VSTM4: variants seen among roughly 807,000 people sequenced by gnomAD.
VSTM4 encodes V-set and transmembrane domain-containing protein 4.
VSTM4 carries 20 observed loss-of-function variants against 36.4 expected under a neutral mutation model. The ratio of observed to expected loss-of-function variants is 0.55; its 90% CI spans 0.39 to 0.80. The LOEUF (loss-of-function observed/expected upper bound fraction) is 0.80. VSTM4 is among the 30% of genes least tolerant of loss of function. The pLI is 0.00. For synonymous variants in VSTM4, 182 were observed against 173.9 expected, an observed-to-expected ratio of 1.05 and a Z score of -0.37; for missense variants, 392 against 404.5, an observed-to-expected ratio of 0.97 and a Z score of 0.26.
At chr10:49,036,354 A>AT (rs1161232057) in intron 7 of VSTM4, among the ~76,000 whole-genome samples, 5 of 151,970 alleles carry the variant, frequency 3.3e-5, no homozygotes, top group Non-Finnish European at 7.4e-5. Context: ...CAAAGTTTGT[A>AT]TTTTTTTCCC....
chr10:49,089,251 C>T (rs892578849), intron 2 of VSTM4, among the ~76,000 whole-genome samples: 25 of 152,134 alleles, frequency 1.6e-4, no homozygotes, highest in African/African-American at 5.3e-4. Context: ...CTACTGAGCC[C>T]ATATCCACAC....
chr10:49,098,976 C>T (rs902516512), intron 2 of VSTM4, among the ~76,000 whole-genome samples: 1 of 152,248 alleles, frequency 6.6e-6, no homozygotes, highest in African/African-American at 2.4e-5. Flanking sequence ...TATTTCTTCA[C>T]TGAGCCGAGC....
chr10:49,108,014 G>A lies in VSTM4; in HGVS notation c.56-19C>T. ...CAGACCTCTGCAGAGAAAAAGGGGAGAAGAGAGGATGAGGAGGGCCCCAAG... is the reference window on the plus strand; with the variant it reads ...CAGACCTCTGCAGAGAAAAAGGGGAAAAGAGAGGATGAGGAGGGCCCCAAG... On this transcript the variant is annotated intron_variant, in intron 1 of 7. Coordinates refer to ENST00000332853, the MANE Select transcript of VSTM4 (RefSeq NM_001031746.5). 6.5e-7 allele frequency: 1 copy of A among 1,538,654 alleles called. No individual in the cohort carries two copies. The highest frequency in any genetic ancestry group is 8.8e-7 in the Non-Finnish European group (1 of 1,138,026).
At chr10:49,046,427 A>G (rs1256871498) in intron 7 of VSTM4, among the ~76,000 whole-genome samples, 1 of 152,232 alleles carries the variant, frequency 6.6e-6, no homozygotes, top group Non-Finnish European at 1.5e-5. Context: ...CCAGAAAAGG[A>G]ACATTAGCAG....
chr10:49,047,698 G>A (rs1232388836), intron 6 of VSTM4, among the ~76,000 whole-genome samples: 2 of 152,136 alleles, frequency 1.3e-5, no homozygotes, highest in African/African-American at 2.4e-5. Context: ...TCCCCCTGCA[G>A]TACAACCACA....
intron 2 of VSTM4, among the ~76,000 whole-genome samples, chr10:49,101,111 C>A (rs757402187): frequency 4.6e-5 from 7 of 151,926 alleles, no homozygotes; most frequent in Non-Finnish European, 1.0e-4. Context: ...AAGCTTGGGG[C>A]AGGGAATCCT....
chr10:49,025,631 C>T (rs1362159530), intron 7 of VSTM4, among the ~76,000 whole-genome samples: 5 of 152,214 alleles, frequency 3.3e-5, no homozygotes, highest in African/African-American at 1.2e-4. Context: ...ATGGTGACTG[C>T]CATGCTGACT....
intron 5 of VSTM4, among the ~76,000 whole-genome samples, chr10:49,050,031 A>G (rs937073660): frequency 4.7e-5 from 7 of 147,978 alleles, no homozygotes; most frequent in Non-Finnish European, 9.0e-5. Flanking sequence ...TATAATAGCT[A>G]TGGATTAGAG....
chr10:49,017,992 G>A lies in VSTM4; in HGVS notation c.*1658C>T, dbSNP rs1246033091. 2.0e-5 allele frequency: 3 copies of A among 152,218 alleles called. No individual in the cohort carries two copies. Among genetic ancestry groups the A allele is most frequent in the Non-Finnish European group, 4.4e-5 (3 of 68,040 alleles). 9.4% of individuals were successfully genotyped at this position (152,218 alleles called of 1,614,324 possible). A position where few individuals can be genotyped will look rare whatever the true frequency, so the allele number is the denominator to read the frequency against. The stretch of plus-strand genomic sequence containing the variant: ...TTCAGTGCCTTCGAGATCTGGCAGA[G>A]AGGGAGGAATGAGACACAGGTGTTA... On this transcript the variant is annotated 3_prime_UTR_variant, in exon 8 of 8. Transcript: ENST00000332853.
intron 2 of VSTM4, among the ~76,000 whole-genome samples, chr10:49,088,603 C>G (rs947756926): frequency 1.1e-4 from 16 of 152,250 alleles, no homozygotes; most frequent in Non-Finnish European, 2.2e-4. Flanking sequence ...AGCCTAGAAC[C>G]TGCATAGCAG....
intron 5 of VSTM4, chr10:49,064,037 C>T (rs79464279): frequency 0.18 from 27,851 of 152,194 alleles, 3,368 homozygotes; most frequent in Non-Finnish European, 0.25. Flanking sequence ...GTCTGGGTGA[C>T]CTTCTGCTGT....
At chr10:49,106,437 A>G (rs1844783990) in intron 2 of VSTM4, among the ~76,000 whole-genome samples, 1 of 152,248 alleles carries the variant, frequency 6.6e-6, no homozygotes, top group African/African-American at 2.4e-5. Context: ...CCGAATAGAA[A>G]CATTGGTGAT....
intron 3 of VSTM4, among the ~76,000 whole-genome samples, chr10:49,084,563 T>C (rs1349123469): frequency 6.6e-6 from 1 of 152,210 alleles, no homozygotes; most frequent in Admixed American, 6.5e-5. Flanking sequence ...TGGCCCTCCT[T>C]CTGCCAGATC....
chr10:49,070,013 G>A (rs1335164832), intron 4 of VSTM4, among the ~76,000 whole-genome samples: 1 of 61,978 alleles, frequency 1.6e-5, no homozygotes, highest in Non-Finnish European at 3.0e-5. Flanking sequence ...AGCACTTTGG[G>A]AGGCCGAGGC....
intron 7 of VSTM4, among the ~76,000 whole-genome samples, chr10:49,040,713 C>T (rs975294039): frequency 3.9e-5 from 6 of 152,200 alleles, no homozygotes; most frequent in Admixed American, 6.5e-5. Flanking sequence ...CACTTGTTAA[C>T]GGCTTGGGGA....
intron 5 of VSTM4, among the ~76,000 whole-genome samples, chr10:49,051,926 C>T (rs1843704735): frequency 1.4e-5 from 2 of 143,788 alleles, no homozygotes; most frequent in African/African-American, 2.5e-5. Context: ...ATTTTGTATT[C>T]TTAATTTACT....
Position 49,019,565 on chromosome 10 carries a change from AT to A in VSTM4, c.*84del. The A allele has an allele frequency of 6.8e-7, 1 of 1,475,834 alleles. No homozygotes were observed. Among genetic ancestry groups the A allele is most frequent in the Non-Finnish European group, 9.0e-7 (1 of 1,110,402 alleles). The allele number at this position is 1,475,834 out of a possible 1,614,324, so 91.4% of individuals were successfully genotyped here. ...CACCACTCAGAAGGCATGAGTGAAA[AT>A]ACAGACATAAGGGCTTTGTCTCCAA... On this transcript the variant is annotated 3_prime_UTR_variant, in exon 8 of 8. Coordinates refer to ENST00000332853, the MANE Select transcript of VSTM4 (RefSeq NM_001031746.5).
At chr10:49,029,916 G>A (rs1202948773) in intron 7 of VSTM4, among the ~76,000 whole-genome samples, 1 of 152,164 alleles carries the variant, frequency 6.6e-6, no homozygotes, top group Non-Finnish European at 1.5e-5. Context: ...GGTGGGAGAG[G>A]GTGATGGAGG....
rs1272725278 is a variant in VSTM4, at chr10:49,015,033, G to C, written c.*4617C>G. On this transcript the variant is annotated 3_prime_UTR_variant, in exon 8 of 8. Transcript: ENST00000332853. The stretch of plus-strand genomic sequence containing the variant: ...TCCTTGTCACTCAAAGTGTGGTTCA[G>C]GGACCAGAAGCATGGACATCCCTGG... 6.6e-6 allele frequency: 1 copy of C among 152,128 alleles called. No homozygotes were observed. The highest frequency in any genetic ancestry group is 1.5e-5 in the Non-Finnish European group (1 of 68,064). The allele number at this position is 152,128 out of a possible 1,614,324, so 9.4% of individuals were successfully genotyped here.
Sources: gnomAD v4.1 joint callset for allele counts (sites outside exome capture counted in the v4.1 genomes callset) on GRCh38, gnomAD v4.1.1 for gene constraint, MANE v1.5 for transcripts, NCBI Gene and HGNC (gene_info 2026-07-23, HGNC 2026-07-21) for gene names.